The following SYNCRIP variants were observed in gnomAD, a reference collection of about 807,000 sequenced individuals.
The protein encoded by SYNCRIP is synaptotagmin binding cytoplasmic RNA interacting protein.
SYNCRIP carries 9 observed loss-of-function variants against 68.9 expected under a neutral mutation model. That is an observed-to-expected ratio of 0.13 (90% CI 0.08 to 0.23). The LOEUF (loss-of-function observed/expected upper bound fraction) is 0.23, where lower values mean the gene tolerates loss of function less well. SYNCRIP is among the 10% of genes least tolerant of loss of function. The pLI, the probability that SYNCRIP is intolerant of heterozygous loss-of-function variation, is 1.00. For missense variants in SYNCRIP, 414 were observed against 770.6 expected (o/e 0.54, Z 5.48); for synonymous variants, 258 against 254.0 (o/e 1.02, Z -0.15).
At chr6:85,632,974 C>T (rs183232824) in intron 6 of SYNCRIP, among the ~76,000 whole-genome samples, 2 of 151,690 alleles carry the variant, frequency 1.3e-5, no homozygotes, top group Admixed American at 6.6e-5. Context: ...TACTTAAGGC[C>T]GGGCGCGGTG....
chr6:85,640,547 C>T lies in SYNCRIP; in HGVS notation c.166G>A (p.Asp56Asn), dbSNP rs767472439. The T allele has an allele frequency of 5.7e-6, 9 of 1,588,616 alleles. No individual in the cohort carries two copies. Among genetic ancestry groups the T allele is most frequent in the Non-Finnish European group, 7.7e-6 (9 of 1,171,712 alleles). The change falls in exon 3 of 11, where the codon GAT (aspartate) becomes AAT (asparagine). Residue 56 changes from aspartate (D) to asparagine (N), a missense_variant. Physicochemically the swap from Asp to Asn is conservative, Grantham distance 23. Around this residue, in one of 6 missense-constraint regions of SYNCRIP, gnomAD observed 51 missense variants for 63.7 expected, o/e 0.80. Coordinates refer to ENST00000369622, the MANE Select transcript of SYNCRIP (RefSeq NM_006372.5). ...IYVAGLVAHS[D>N]LDERAIEALK... ...GCTTCAATAGCTCTTTCATCTAAAT[C>T]ACTATGTGCAACTAGCCCTGAAAAA...
At position 85,626,222 on chromosome 6, in the gene SYNCRIP, G is replaced by A. The variant is rs182397796; in HGVS notation, c.667-2110C>T. The stretch of plus-strand genomic sequence containing the variant: ...TAGATTATAATGCCTTATTTTGCAA[G>A]TAAAATTAAACTAAGAACACAATAA... On this transcript the variant is annotated intron_variant, in intron 6 of 10. Coordinates refer to ENST00000369622, the MANE Select transcript of SYNCRIP (RefSeq NM_006372.5). 2.3e-3 allele frequency among the ~76,000 whole-genome samples: 354 copies of A among 152,292 alleles called. 7 individuals carry two copies. The highest frequency in any genetic ancestry group is 7.6e-4 in the Non-Finnish European group (52 of 68,020).
chr6:85,624,229 T>A, intron 6 of SYNCRIP, 117 bp from the exon 7 acceptor site: 1 of 959,916 alleles, frequency 1.0e-6, no homozygotes. Context: ...TTAATTCCCA[T>A]ACAAGGGAAT....
At chr6:85,631,891 C>T (rs966734213) in intron 6 of SYNCRIP, among the ~76,000 whole-genome samples, 20 of 152,282 alleles carry the variant, frequency 1.3e-4, no homozygotes, top group South Asian at 6.2e-4. Flanking sequence ...AAGGTGATAA[C>T]GTAGCATCTA....
chr6:85,633,084 C>G (rs1808004254), intron 6 of SYNCRIP, among the ~76,000 whole-genome samples: 1 of 151,248 alleles, frequency 6.6e-6, no homozygotes, highest in South Asian at 2.1e-4. Flanking sequence ...AACCCTGTCT[C>G]TACTAAAAAA....
chr6:85,612,806 T>C (rs1583233993), downstream of SYNCRIP: 10 of 1,510,704 alleles, frequency 6.6e-6, no homozygotes, highest in Middle Eastern at 2.2e-4. Context: ...ACAGCCGACA[T>C]ATTTAAGGTT....
chr6:85,611,060 C>CT (rs1202784654), downstream of SYNCRIP: 1 of 151,970 alleles, frequency 6.6e-6, no homozygotes, highest in African/African-American at 2.4e-5. Context: ...AAATTACACT[C>CT]TATGTCCCAG....
At chr6:85,619,803 C>T (rs1025397539) in intron 8 of SYNCRIP, among the ~76,000 whole-genome samples, 3 of 149,550 alleles carry the variant, frequency 2.0e-5, no homozygotes, top group Non-Finnish European at 4.5e-5. Flanking sequence ...AAGGGTATAG[C>T]CCCTTTGAAA....
chr6:85,623,567 A>AC (rs1356542302), intron 7 of SYNCRIP, among the ~76,000 whole-genome samples: 8 of 147,852 alleles, frequency 5.4e-5, no homozygotes, highest in Non-Finnish European at 1.1e-4. Context: ...GTCTCCAAAA[A>AC]AAAAAAAAAA....
chr6:85,617,192 A>C (rs545850936), intron 10 of SYNCRIP, among the ~76,000 whole-genome samples: 3 of 150,706 alleles, frequency 2.0e-5, no homozygotes, highest in South Asian at 2.1e-4. Flanking sequence ...TGCTTAGTTA[A>C]AACTTAAAAA....
At chr6:85,620,660 A>G (rs1806284744) in intron 8 of SYNCRIP, among the ~76,000 whole-genome samples, 1 of 152,236 alleles carries the variant, frequency 6.6e-6, no homozygotes. Flanking sequence ...TTAGGTAATC[A>G]ATCTACGTCC....
chr6:85,621,475 T>G (rs1806392087), intron 8 of SYNCRIP, among the ~76,000 whole-genome samples: 1 of 151,890 alleles, frequency 6.6e-6, no homozygotes, highest in South Asian at 2.1e-4. Flanking sequence ...TAGCCAGGTG[T>G]GGTAGTACAC....
downstream of SYNCRIP, chr6:85,609,176 G>GT (rs1164386221): frequency 1.3e-5 from 2 of 151,870 alleles, no homozygotes; most frequent in African/African-American, 4.8e-5. Context: ...GGGTATTCCT[G>GT]TAAGTTTGAC....
intron 6 of SYNCRIP, among the ~76,000 whole-genome samples, chr6:85,631,402 AG>A (rs1158026202): frequency 6.6e-6 from 1 of 151,990 alleles, no homozygotes; most frequent in African/African-American, 2.4e-5. Flanking sequence ...GGTAATTAAA[AG>A]GAAGAGTGGG....
intron 6 of SYNCRIP, among the ~76,000 whole-genome samples, chr6:85,634,040 G>GA (rs1485567385): frequency 6.6e-6 from 1 of 152,134 alleles, no homozygotes; most frequent in African/African-American, 2.4e-5. Context: ...AAGAAATGTA[G>GA]AAAGTTTTAG....
At chr6:85,616,222 C>T (rs1055908341) in intron 10 of SYNCRIP, among the ~76,000 whole-genome samples, 5 of 152,164 alleles carry the variant, frequency 3.3e-5, no homozygotes, top group African/African-American at 1.2e-4. Context: ...TTCCTTAAAA[C>T]TTAGTGATTA....
chr6:85,613,594 A>C (rs1217888752), downstream of SYNCRIP, among the ~76,000 whole-genome samples: 7 of 152,360 alleles, frequency 4.6e-5, no homozygotes, highest in Admixed American at 2.0e-4. Context: ...CCAAACTATT[A>C]GATCTTTAAT....
chr6:85,619,033 G>T, intron 9 of SYNCRIP, 94 bp from the exon 10 acceptor site: 1 of 1,341,814 alleles, frequency 7.5e-7, no homozygotes, highest in Non-Finnish European at 1.0e-6. Context: ...AATGTGGGAA[G>T]GACAAGAGAA....
intron 8 of SYNCRIP, among the ~76,000 whole-genome samples, chr6:85,620,607 CAG>C (rs2128283313): frequency 6.6e-6 from 1 of 152,284 alleles, no homozygotes; most frequent in East Asian, 1.9e-4. Context: ...TCCAAACCCA[CAG>C]AACATACATC....
Sources: allele counts gnomAD v4.1 joint callset (sites outside exome capture counted in the v4.1 genomes callset), GRCh38; gene constraint gnomAD v4.1.1; regional missense constraint gnomAD v4.1.1; transcripts MANE v1.5; gene names NCBI Gene and HGNC (gene_info 2026-07-23, HGNC 2026-07-21).